Variants in KCNIP4 observed in about 807,000 individuals in gnomAD.
KCNIP4 encodes Kv channel-interacting protein 4.
Under a neutral mutation model 34.0 loss-of-function variants are expected in KCNIP4, and 12 were observed. The observed-to-expected ratio is 0.35, with a 90% CI of 0.23 to 0.57. KCNIP4 has a LOEUF of 0.57. KCNIP4 is among the 20% of genes least tolerant of loss of function. KCNIP4 has a pLI of 0.83. For missense variants in KCNIP4, 238 were observed against 311.7 expected (o/e 0.76, Z 1.78); for synonymous variants, 124 against 102.2 (o/e 1.21, Z -1.29).
At chr4:20,874,468 G>A (rs1723791648) in intron 2 of KCNIP4, among the ~76,000 whole-genome samples, 1 of 152,142 alleles carries the variant, frequency 6.6e-6, no homozygotes, top group African/African-American at 2.4e-5. Flanking sequence ...TTCAAATAGT[G>A]TTCCATAAAT....
At chr4:20,969,629 C>G (rs1734727816) in intron 1 of KCNIP4, among the ~76,000 whole-genome samples, 1 of 152,062 alleles carries the variant, frequency 6.6e-6, no homozygotes, top group Non-Finnish European at 1.5e-5. Context: ...CACTCTATGA[C>G]TCCATCCTAA....
intron 1 of KCNIP4, among the ~76,000 whole-genome samples, chr4:21,435,482 A>G (rs1020445854): frequency 2.6e-5 from 4 of 152,166 alleles, no homozygotes; most frequent in Admixed American, 2.6e-4. Context: ...GTTTGAGTCT[A>G]ATTGGGCTTG....
intron 1 of KCNIP4, among the ~76,000 whole-genome samples, chr4:20,943,690 G>A (rs774586681): frequency 8.5e-5 from 13 of 152,078 alleles, no homozygotes; most frequent in Non-Finnish European, 1.6e-4. Context: ...AACCCCAGGT[G>A]TCTCTAATAG....
Position 20,925,171 on chromosome 4 carries a change from C to T in KCNIP4, c.62-42462G>A, listed in dbSNP as rs138178446. Among the ~76,000 whole-genome samples, 542 of 152,188 alleles carry T rather than the reference C, an allele frequency of 3.6e-3. 6 individuals are homozygous for T. The highest frequency in any genetic ancestry group is 0.012 in the African/African-American group (512 of 41,510). ...ACCTGTGTTGGGAGTCCCACATACCCGCTCGGTGAGGGTATTTGGATGAGG... is the reference window on the plus strand; with the variant it reads ...ACCTGTGTTGGGAGTCCCACATACCTGCTCGGTGAGGGTATTTGGATGAGG... On this transcript the variant is annotated intron_variant, in intron 1 of 8. Coordinates refer to ENST00000382152, the MANE Select transcript of KCNIP4 (RefSeq NM_025221.6).
chr4:20,858,602 G>A (rs1221716344), intron 2 of KCNIP4, among the ~76,000 whole-genome samples: 1 of 152,116 alleles, frequency 6.6e-6, no homozygotes, highest in Admixed American at 6.6e-5. Context: ...TTGAGGCTTG[G>A]AGAGTCTAAG....
chr4:21,945,131 G>T (rs1730440274), intron 1 of KCNIP4, among the ~76,000 whole-genome samples: 1 of 152,026 alleles, frequency 6.6e-6, no homozygotes, highest in Non-Finnish European at 1.5e-5. Context: ...ATAAATAAAA[G>T]GACAAAAAAT....
chr4:21,307,496 T>G (rs1030201582), intron 1 of KCNIP4, among the ~76,000 whole-genome samples: 2 of 152,190 alleles, frequency 1.3e-5, no homozygotes, highest in African/African-American at 4.8e-5. Context: ...TATTTGTTTA[T>G]TAAGTGTCTC....
intron 1 of KCNIP4, among the ~76,000 whole-genome samples, chr4:21,005,669 T>A (rs549821575): frequency 6.4e-4 from 98 of 152,322 alleles, no homozygotes; most frequent in African/African-American, 2.2e-3. Flanking sequence ...AATTTCACCA[T>A]AAATATGGTT....
intron 1 of KCNIP4, among the ~76,000 whole-genome samples, chr4:21,646,406 A>G (rs975748924): frequency 3.9e-4 from 60 of 152,198 alleles, no homozygotes; most frequent in African/African-American, 1.4e-3. Context: ...ATGAGTCAAT[A>G]TTGTTGTCTT....
At chr4:21,685,962 T>C (rs1750775327) in intron 1 of KCNIP4, among the ~76,000 whole-genome samples, 2 of 152,348 alleles carry the variant, frequency 1.3e-5, no homozygotes, top group East Asian at 3.9e-4. Context: ...AGACACAGCA[T>C]AAAACTGATC....
rs188939974 is a variant in KCNIP4 at position 21,326,163 on chromosome 4, A to G, written c.62-443454T>C. On this transcript the variant is annotated intron_variant, in intron 1 of 8. Transcript: ENST00000382152. ...TCTTTGTTGATTTTCTGTCTAGATGATCAGTTCAATGTTAAAAGTGAGTGT... is the reference window on the plus strand; with the variant it reads ...TCTTTGTTGATTTTCTGTCTAGATGGTCAGTTCAATGTTAAAAGTGAGTGT... Among the ~76,000 whole-genome samples, 287 of 151,882 alleles carry G rather than the reference A, an allele frequency of 1.9e-3. 1 individual carries two copies. The highest frequency in any genetic ancestry group is 3.6e-3 in the Non-Finnish European group (245 of 67,768).
chr4:21,909,523 G>T (rs1728182131), intron 1 of KCNIP4, among the ~76,000 whole-genome samples: 1 of 151,884 alleles, frequency 6.6e-6, no homozygotes, highest in African/African-American at 2.4e-5. Context: ...CTTCTTTCTA[G>T]GCTTAGACAT....
intron 3 of KCNIP4, among the ~76,000 whole-genome samples, chr4:20,764,658 C>T (rs1031285480): frequency 2.0e-5 from 3 of 146,818 alleles, no homozygotes; most frequent in Admixed American, 6.9e-5. Context: ...GAGGAGCTAC[C>T]GACTAGAATC....
intron 1 of KCNIP4, among the ~76,000 whole-genome samples, chr4:21,599,488 C>T (rs967558571): frequency 1.8e-4 from 28 of 151,808 alleles, no homozygotes; most frequent in African/African-American, 5.1e-4. Context: ...CCATGTATTA[C>T]GTACTTAATA....
At chr4:21,880,373 G>A (rs1726394350) in intron 1 of KCNIP4, among the ~76,000 whole-genome samples, 1 of 152,130 alleles carries the variant, frequency 6.6e-6, no homozygotes, top group South Asian at 2.1e-4. Flanking sequence ...TGTAGTCAAT[G>A]TATATTAGTT....
chr4:21,086,291 A>G lies in KCNIP4; in HGVS notation c.62-203582T>C, dbSNP rs373256562. Reference sequence around the variant, plus strand: ...GTCCCATGCTGTTTACTTTCACTGCACTCTAGTTCCACTTCCTGTCAGACT... The same window carrying G: ...GTCCCATGCTGTTTACTTTCACTGCGCTCTAGTTCCACTTCCTGTCAGACT... On this transcript the variant is annotated intron_variant, in intron 1 of 8. Coordinates refer to ENST00000382152, the MANE Select transcript of KCNIP4 (RefSeq NM_025221.6). Among the ~76,000 whole-genome samples the G allele has an allele frequency of 1.1e-4, 16 of 152,070 alleles. No homozygotes were observed. In the East Asian group the frequency reaches 3.1e-3, roughly 29 times the overall value.
intron 1 of KCNIP4, among the ~76,000 whole-genome samples, chr4:20,993,362 A>G (rs546828869): frequency 1.9e-4 from 29 of 152,346 alleles, no homozygotes; most frequent in African/African-American, 7.0e-4. Flanking sequence ...GCCAGGATTA[A>G]TATGACCTGT....
At chr4:21,282,684 A>G (rs1005030732) in intron 1 of KCNIP4, among the ~76,000 whole-genome samples, 3 of 152,202 alleles carry the variant, frequency 2.0e-5, no homozygotes, top group African/African-American at 7.2e-5. Flanking sequence ...AAGAAGATGC[A>G]TATTTCTCTC....
chr4:21,846,386 T>C (rs1488276477), intron 1 of KCNIP4: 1 of 152,052 alleles, frequency 6.6e-6, no homozygotes, highest in Non-Finnish European at 1.5e-5. Context: ...TGACTAGAGT[T>C]CACAGAGTAC....
Sources: allele counts gnomAD v4.1 joint callset (sites outside exome capture counted in the v4.1 genomes callset), GRCh38; gene constraint gnomAD v4.1.1; transcripts MANE v1.5; gene names NCBI Gene and HGNC (gene_info 2026-07-23, HGNC 2026-07-21).